The following SPEG variants were observed in gnomAD, a reference collection of about 807,000 sequenced individuals.
The protein encoded by SPEG is striated muscle preferentially expressed protein kinase.
A neutral mutation model predicts 300.4 loss-of-function variants in SPEG; 114 were observed. That is an observed-to-expected ratio of 0.38 (90% CI 0.33 to 0.44). SPEG has a LOEUF of 0.44. Among genes scored for constraint, SPEG ranks in the 20% least tolerant of loss-of-function variants. SPEG has a pLI of 1.00. For missense variants in SPEG, 4,201 were observed against 4,586.2 expected (o/e 0.92, Z 2.43); for synonymous variants, 1,964 against 2,018.9 (o/e 0.97, Z 0.73).
chr2:219,465,713 TG>T (rs1691210967), intron 9 of SPEG: 1 of 411,062 alleles, frequency 2.4e-6, no homozygotes, highest in Admixed American at 4.4e-5. Context: ...GAGCTGTCCT[TG>T]GGGGAGCCAA....
chr2:219,442,203 A>C (rs2125223036), intron 1 of SPEG: 2 of 607,340 alleles, frequency 3.3e-6, no homozygotes, highest in Non-Finnish European at 4.5e-6. Context: ...CGCCTGCCCC[A>C]CCCGAGCCCC....
intron 34 of SPEG, 33 bp downstream of exon 34, chr2:219,488,933 C>T (rs757514642): frequency 3.2e-5 from 51 of 1,580,964 alleles, no homozygotes; most frequent in African/African-American, 6.7e-5. Context: ...GTTGGGGGAG[C>T]GGCAGGGGGA....
rs1017306564 is a variant in SPEG, at chr2:219,449,170, G to T, written c.2012G>T (p.Arg671Leu). 5 of 1,404,906 alleles carry T rather than the reference G, an allele frequency of 3.6e-6. No individual in the cohort carries two copies. The African/African-American group carries it at 4.6e-5, about 13-fold the overall frequency. The allele number at this position is 1,404,906 out of a possible 1,614,324, so 87.0% of individuals were successfully genotyped here. Residue 671 changes from arginine (R) to leucine (L), a missense_variant, in exon 4 of 41, where the codon CGC becomes CTC. Arg to Leu is a moderately radical substitution (Grantham distance 102). Transcript: ENST00000312358. Reference protein sequence around the residue: ...RAGPEAEKRLRRGPEEDGPWG... With the variant: ...RAGPEAEKRLLRGPEEDGPWG... ...GGGCCTGAGGCAGAGAAGAGGCTTC[G>T]CAGAGGGCCGGAGGAGGACGGTCCC...
chr2:219,451,726 G>A lies in SPEG; in HGVS notation c.2359G>A (p.Ala787Thr). Reference sequence around the variant, plus strand: ...CCTGCTGCTCAGGGAGGCCAGGGCAGCAGATGCCGGGAGCTATATGGCCAC... The same window carrying A: ...CCTGCTGCTCAGGGAGGCCAGGGCAACAGATGCCGGGAGCTATATGGCCAC... ...HTLLLREARA[A>T]DAGSYMATAT... The change falls in exon 6 of 41, where the codon GCA (alanine) becomes ACA (threonine). Residue 787 changes from alanine to threonine, a missense_variant. Ala to Thr is a moderately conservative substitution (Grantham distance 58). Transcript: ENST00000312358. This position sits in a 1 kb window ranked among gnomAD's most constrained non-coding sequence, Gnocchi z 6.4. The A allele has an allele frequency of 6.4e-7, 1 of 1,563,326 alleles. No individual in the cohort carries two copies. The highest frequency in any genetic ancestry group is 8.7e-7 in the Non-Finnish European group (1 of 1,154,582).
chr2:219,492,675 C>G lies in SPEG; in HGVS notation c.9693C>G (p.Leu3231=), dbSNP rs1446975793. Residue 3231 remains leucine, a synonymous_variant, in exon 41 of 41, where the codon CTC becomes CTG. Coordinates refer to ENST00000312358, the MANE Select transcript of SPEG (RefSeq NM_005876.5). ...TGATGAAGCTGCGCCGCCAGACGCTCACCTTCACCACCAACCGGCTCAAGG... is the reference window on the plus strand; with the variant it reads ...TGATGAAGCTGCGCCGCCAGACGCTGACCTTCACCACCAACCGGCTCAAGG... ...AYLMKLRRQT[L]TFTTNRLKEF... 9 of 1,610,322 alleles carry G rather than the reference C, an allele frequency of 5.6e-6. No individual in the cohort carries two copies. Among genetic ancestry groups the G allele is most frequent in the Non-Finnish European group, 7.6e-6 (9 of 1,179,964 alleles).
intron 1 of SPEG, 30 bp downstream of exon 1, chr2:219,435,395 AG>A: frequency 6.6e-7 from 1 of 1,515,708 alleles, no homozygotes; most frequent in Non-Finnish European, 8.8e-7. Flanking sequence ...CGCGCCCGGC[AG>A]GGGCGGGGTG....
intron 6 of SPEG, among the ~76,000 whole-genome samples, chr2:219,457,441 G>A (rs766253369): frequency 6.6e-6 from 1 of 152,198 alleles, no homozygotes; most frequent in Non-Finnish European, 1.5e-5. Context: ...AAATTAGCCA[G>A]GTGTGGTTGT....
At chr2:219,435,690 G>A (rs1484767656) in intron 1 of SPEG, among the ~76,000 whole-genome samples, 1 of 151,382 alleles carries the variant, frequency 6.6e-6, no homozygotes, top group Non-Finnish European at 1.5e-5. Context: ...AGCCTCCTGG[G>A]GGAAAGGGTG....
chr2:219,435,069 C>T lies in SPEG; in HGVS notation c.92C>T (p.Ala31Val). The change falls in exon 1 of 41, where the codon GCC becomes GTC. Residue 31 changes from alanine to valine, a missense_variant. By Grantham distance (64) the Ala-to-Val change is moderately conservative (BLOSUM62 0). Transcript: ENST00000312358. ...GVPPKRAKVGAGGGAPVAVAG... is the reference protein window; with the variant it reads ...GVPPKRAKVGVGGGAPVAVAG... ...CCCCCGAAAAGGGCCAAGGTGGGGG[C>T]CGGCGGCGGGGCTCCTGTGGCCGTG... 2 of 1,472,550 alleles carry T rather than the reference C, an allele frequency of 1.4e-6. No individual in the cohort carries two copies. The highest frequency in any genetic ancestry group is 1.8e-6 in the Non-Finnish European group (2 of 1,121,502). 91.2% of individuals were successfully genotyped at this position (1,472,550 alleles called of 1,614,324 possible).
At position 219,483,584 on chromosome 2, in the gene SPEG, C is replaced by T. The variant is rs1157324437; in HGVS notation, c.6121C>T (p.Pro2041Ser). The T allele has an allele frequency of 6.8e-7, 1 of 1,469,368 alleles. No individual in the cohort carries two copies. Among genetic ancestry groups the T allele is most frequent in the Non-Finnish European group, 8.9e-7 (1 of 1,121,654 alleles). The allele number at this position is 1,469,368 out of a possible 1,614,324, so 91.0% of individuals were successfully genotyped here. The change falls in exon 30 of 41, where the codon CCG (proline) becomes TCG (serine). Residue 2041 changes from proline (P) to serine (S), a missense_variant. Physicochemically the swap from Pro to Ser is moderately conservative, Grantham distance 74. Around this residue, in one of 4 missense-constraint regions of SPEG, gnomAD observed 1,578 missense variants for 1,506.0 expected, o/e 1.05. Coordinates refer to ENST00000312358, the MANE Select transcript of SPEG (RefSeq NM_005876.5). ...GCACAAGGCGGCGTCTGTGGAGCTGCCGCAGCGCCGGAGCCCCAGCCCGGG... is the reference window on the plus strand; with the variant it reads ...GCACAAGGCGGCGTCTGTGGAGCTGTCGCAGCGCCGGAGCCCCAGCCCGGG... Reference protein sequence around the residue: ...GLHKAASVELPQRRSPSPGAT... With the variant: ...GLHKAASVELSQRRSPSPGAT...
rs1216020536 is a variant in SPEG at position 219,459,971 on chromosome 2, A to T, written c.2441-1911A>T. On this transcript the variant is annotated intron_variant, in intron 6 of 40. Coordinates refer to ENST00000312358, the MANE Select transcript of SPEG (RefSeq NM_005876.5). The surrounding 1 kb of genome is among the most constrained non-coding windows in gnomAD (Gnocchi z 4.9). ...ATAGGAAGAGGGAGAAGGACATGTGACCCCTGCTCAACAGCCCCCTTCTCT... is the reference window on the plus strand; with the variant it reads ...ATAGGAAGAGGGAGAAGGACATGTGTCCCCTGCTCAACAGCCCCCTTCTCT... Among the ~76,000 whole-genome samples the T allele has an allele frequency of 6.6e-6, 1 of 152,110 alleles. No homozygotes were observed. The highest frequency in any genetic ancestry group is 1.5e-5 in the Non-Finnish European group (1 of 68,018).
rs1275866494 is a variant in SPEG at position 219,484,277 on chromosome 2, C to G, written c.6814C>G (p.Pro2272Ala). 1 of 1,608,668 alleles carries G rather than the reference C, an allele frequency of 6.2e-7. No individual in the cohort carries two copies. The highest frequency in any genetic ancestry group is 1.3e-5 in the African/African-American group (1 of 74,912). The change falls in exon 30 of 41, where the codon CCC becomes GCC. Residue 2272 changes from proline to alanine, a missense_variant. Pro to Ala is a conservative substitution (Grantham distance 27). This residue lies in a region of SPEG where 1,578 missense variants were observed against 1,506.0 expected (regional missense o/e 1.05). Transcript: ENST00000312358. ...SQGPAAPPSEPKPHAAVFARV... is the reference protein window; with the variant it reads ...SQGPAAPPSEAKPHAAVFARV... The stretch of plus-strand genomic sequence containing the variant: ...GGGCCCTGCCGCGCCGCCTTCAGAG[C>G]CCAAGCCCCACGCTGCTGTCTTTGC...
At position 219,445,193 on chromosome 2, in the gene SPEG, C is replaced by A; in HGVS notation, c.815+32C>A. The A allele has an allele frequency of 6.5e-7, 1 of 1,533,224 alleles. No individual in the cohort carries two copies. The highest frequency in any genetic ancestry group is 8.8e-7 in the Non-Finnish European group (1 of 1,131,038). The allele number at this position is 1,533,224 out of a possible 1,614,324, so 95.0% of individuals were successfully genotyped here. A position where few individuals can be genotyped will look rare whatever the true frequency, so the allele number is the denominator to read the frequency against. The stretch of plus-strand genomic sequence containing the variant: ...AACGGCCTTACCTGGGCCTGAACTG[C>A]CCCATCTCACCACGCTGTCCTGCGC... On this transcript the variant is annotated intron_variant, in intron 3 of 40. Coordinates refer to ENST00000312358, the MANE Select transcript of SPEG (RefSeq NM_005876.5). This position sits in a 1 kb window ranked among gnomAD's most constrained non-coding sequence, Gnocchi z 6.1.
chr2:219,461,980 A>G lies in SPEG; in HGVS notation c.2539A>G (p.Thr847Ala). The part of the protein sequence containing the change: ...FPEPGETWPR[T>A]PTMKPSPSQN... ...AGAGCCTGGGGAGACCTGGCCGCGA[A>G]CCCCCACCATGAAGCCCAGTCCCAG... The change falls in exon 7 of 41, where the codon ACC becomes GCC. Residue 847 changes from threonine (T) to alanine (A), a missense_variant. By Grantham distance (58) the Thr-to-Ala change is moderately conservative. Transcript: ENST00000312358. The G allele has an allele frequency of 6.2e-7, 1 of 1,609,444 alleles. No homozygotes were observed. Among genetic ancestry groups the G allele is most frequent in the South Asian group, 1.1e-5 (1 of 90,740 alleles).
intron 31 of SPEG, among the ~76,000 whole-genome samples, chr2:219,485,698 C>G (rs1202655219): frequency 6.6e-6 from 1 of 152,210 alleles, no homozygotes; most frequent in African/African-American, 2.4e-5. Flanking sequence ...TCCTGCAGCA[C>G]TGTTTGGGAA....
In SPEG at chr2:219,492,210, A is replaced by C. The variant is rs1021002113; in HGVS notation, c.9561A>C (p.Thr3187=). 1 of 1,613,658 alleles carries C rather than the reference A, an allele frequency of 6.2e-7. No homozygotes were observed. The highest frequency in any genetic ancestry group is 8.5e-7 in the Non-Finnish European group (1 of 1,179,904). Residue 3187 remains threonine (T), a synonymous_variant, in exon 40 of 41, where the codon ACA becomes ACC. Transcript: ENST00000312358. ...ATGCCTTCCAGCTGTACCCCAATAC[A>C]TCCCAGAGCGCCACCCTCTTCTTGC... ...RFDAFQLYPN[T]SQSATLFLRK...
In SPEG at chr2:219,481,614, T is replaced by C. The variant is rs377338833; in HGVS notation, c.5523-24T>C. 6.2e-7 allele frequency: 1 copy of C among 1,613,734 alleles called. No individual in the cohort carries two copies. Among genetic ancestry groups the C allele is most frequent in the Non-Finnish European group, 8.5e-7 (1 of 1,179,656 alleles). On this transcript the variant is annotated intron_variant, in intron 27 of 40. Coordinates refer to ENST00000312358, the MANE Select transcript of SPEG (RefSeq NM_005876.5). The surrounding 1 kb of genome is among the most constrained non-coding windows in gnomAD (Gnocchi z 5.4). ...CACTGATGACTGAACGATAAATCCC[T>C]TCTTAATCCTCATTCATTCACAGGA...
intron 6 of SPEG, among the ~76,000 whole-genome samples, chr2:219,452,684 A>G (rs913356249): frequency 2.0e-5 from 3 of 152,146 alleles, no homozygotes; most frequent in African/African-American, 7.2e-5. Flanking sequence ...GTGTTCTGGG[A>G]TGCCTGCGCT....
intron 40 of SPEG, 114 bp downstream of exon 40, chr2:219,492,374 A>C: frequency 7.8e-7 from 1 of 1,278,234 alleles, no homozygotes; most frequent in South Asian, 1.4e-5. Flanking sequence ...TGCTTCTACT[A>C]AATGGTCATA....
Sources: allele counts gnomAD v4.1 joint callset (sites outside exome capture counted in the v4.1 genomes callset), GRCh38; gene constraint gnomAD v4.1.1; regional missense constraint gnomAD v4.1.1; non-coding constraint Gnocchi (gnomAD v3.1); transcripts MANE v1.5; gene names NCBI Gene and HGNC (gene_info 2026-07-23, HGNC 2026-07-21).